Variants in PBX1 observed in about 807,000 individuals in gnomAD.
The protein encoded by PBX1 is PBX homeobox 1.
Under a neutral mutation model 53.4 loss-of-function variants are expected in PBX1, and 6 were observed. The observed-to-expected ratio is 0.11, with a 90% CI of 0.06 to 0.22. PBX1 has a LOEUF of 0.22. Ranked by LOEUF, PBX1 falls within the 10% of genes least tolerant of loss-of-function variation. PBX1 has a pLI of 1.00. For missense variants in PBX1, 251 were observed against 551.4 expected, an observed-to-expected ratio of 0.46 and a Z score of 5.46; for synonymous variants, 204 against 212.3, an observed-to-expected ratio of 0.96 and a Z score of 0.34.
At chr1:164,736,773 T>C (rs1328777810) in intron 2 of PBX1, among the ~76,000 whole-genome samples, 1 of 152,050 alleles carries the variant, frequency 6.6e-6, no homozygotes, top group African/African-American at 2.4e-5. Flanking sequence ...AGAACATGCA[T>C]AAAAATCAGA....
At chr1:164,860,136 T>A (rs777438362) in intron 2 of PBX1, among the ~76,000 whole-genome samples, 17 of 152,194 alleles carry the variant, frequency 1.1e-4, no homozygotes, top group Non-Finnish European at 1.9e-4. Flanking sequence ...TAGGCAGGAA[T>A]CCCTCACACC....
chr1:164,857,560 G>T (rs542592363), intron 2 of PBX1, among the ~76,000 whole-genome samples: 3 of 152,322 alleles, frequency 2.0e-5, no homozygotes, highest in East Asian at 3.9e-4. Context: ...GGGGCTGAAA[G>T]TTCTAACCTT....
chr1:164,671,785 G>T (rs994760531), intron 2 of PBX1, among the ~76,000 whole-genome samples: 2 of 152,106 alleles, frequency 1.3e-5, no homozygotes, highest in Admixed American at 6.5e-5. Context: ...TGGAATGAGG[G>T]TTTTGTGTGA....
intron 2 of PBX1, among the ~76,000 whole-genome samples, chr1:164,668,491 C>A (rs1557929269): frequency 6.6e-6 from 1 of 151,866 alleles, no homozygotes; most frequent in Non-Finnish European, 1.5e-5. Context: ...TACAAGGTCT[C>A]CCAGCCAGGG....
intron 2 of PBX1, among the ~76,000 whole-genome samples, chr1:164,628,741 GAT>G (rs1340804563): frequency 2.0e-5 from 3 of 151,974 alleles, no homozygotes; most frequent in Non-Finnish European, 4.4e-5. Context: ...TCTCTATCTA[GAT>G]ATATATGATA....
intron 2 of PBX1, among the ~76,000 whole-genome samples, chr1:164,668,351 T>G (rs1043539233): frequency 6.6e-6 from 1 of 152,076 alleles, no homozygotes; most frequent in Admixed American, 6.5e-5. Context: ...TGGTTCGACT[T>G]TGAGGGTCAG....
At chr1:164,591,735 T>G (rs1044370898) in intron 2 of PBX1, among the ~76,000 whole-genome samples, 1 of 152,244 alleles carries the variant, frequency 6.6e-6, no homozygotes, top group African/African-American at 2.4e-5. Context: ...GAACATTCTG[T>G]TAGCAGACTT....
At chr1:164,560,453 T>G (rs760802685) in intron 1 of PBX1, 13 of 354,318 alleles carry the variant, frequency 3.7e-5, no homozygotes, top group Non-Finnish European at 6.0e-5. Context: ...CAAGAACACT[T>G]TATTTGCAAA....
chr1:164,668,826 C>G (rs1298483024), intron 2 of PBX1, among the ~76,000 whole-genome samples: 1 of 152,090 alleles, frequency 6.6e-6, no homozygotes, highest in Admixed American at 6.5e-5. Context: ...TTGAATGGGC[C>G]GCATTTGCAT....
intron 2 of PBX1, among the ~76,000 whole-genome samples, chr1:164,654,107 C>T (rs950069029): frequency 1.3e-5 from 2 of 152,060 alleles, no homozygotes; most frequent in African/African-American, 2.4e-5. Context: ...GCAGATATTC[C>T]GTAAACACAG....
intron 2 of PBX1, among the ~76,000 whole-genome samples, chr1:164,751,149 C>T (rs1312597936): frequency 6.6e-6 from 1 of 151,852 alleles, no homozygotes; most frequent in South Asian, 2.1e-4. Flanking sequence ...AACCCCATCT[C>T]TACTAAAAAT....
At chr1:164,682,500 A>G (rs1038053035) in intron 2 of PBX1, 1 of 152,172 alleles carries the variant, frequency 6.6e-6, no homozygotes, top group Non-Finnish European at 1.5e-5. Context: ...CCTGACCTCA[A>G]GGAGCTTTTA....
At position 164,559,874 on chromosome 1, in the gene PBX1, G is replaced by C. The variant is rs544057798; in HGVS notation, c.52G>C (p.Gly18Arg). 6.4e-7 allele frequency: 1 copy of C among 1,550,654 alleles called. No homozygotes were observed. Among genetic ancestry groups the C allele is most frequent in the Non-Finnish European group, 8.7e-7 (1 of 1,146,772 alleles). Residue 18 changes from glycine to arginine, a missense_variant, in exon 1 of 9, where the codon GGA (glycine) becomes CGA (arginine). By Grantham distance (125) the Gly-to-Arg change is moderately radical. Around this residue, in one of 4 missense-constraint regions of PBX1, gnomAD observed 63 missense variants for 78.7 expected, o/e 0.80. Coordinates refer to ENST00000420696, the MANE Select transcript of PBX1 (RefSeq NM_002585.4). ...MHSHAGVGMA[G>R]HPGLSQHLQD... ...TTCCCATGCTGGGGTCGGGATGGCC[G>C]GACACCCCGGCCTGTCCCAGCACTT...
intron 8 of PBX1, among the ~76,000 whole-genome samples, chr1:164,839,630 A>T (rs1163475384): frequency 6.6e-6 from 1 of 152,208 alleles, no homozygotes; most frequent in Non-Finnish European, 1.5e-5. Flanking sequence ...AAATCCTCTC[A>T]CTTGACTTCT....
chr1:164,573,837 A>G (rs1258330934), intron 2 of PBX1, among the ~76,000 whole-genome samples: 1 of 152,194 alleles, frequency 6.6e-6, no homozygotes, highest in African/African-American at 2.4e-5. Flanking sequence ...CTCAATAGCT[A>G]CACATGAGTA....
intron 2 of PBX1, among the ~76,000 whole-genome samples, chr1:164,643,051 TTTG>T (rs1274819399): frequency 6.6e-6 from 1 of 152,180 alleles, no homozygotes. Flanking sequence ...TGCCGTTAAT[TTTG>T]TTATTAGAAA....
intron 2 of PBX1, among the ~76,000 whole-genome samples, chr1:164,581,321 G>C (rs1348585069): frequency 6.6e-6 from 1 of 150,970 alleles, no homozygotes; most frequent in Non-Finnish European, 1.5e-5. Flanking sequence ...TCCGCCTCTC[G>C]GGTTCAAGTG....
At chr1:164,664,859 C>T (rs188627180) in intron 2 of PBX1, among the ~76,000 whole-genome samples, 54 of 152,094 alleles carry the variant, frequency 3.6e-4, no homozygotes, top group African/African-American at 1.2e-3. Flanking sequence ...AAGAGAACAA[C>T]GTGGGAAAGA....
chr1:164,673,867 T>C (rs1661267939), intron 2 of PBX1, among the ~76,000 whole-genome samples: 1 of 151,954 alleles, frequency 6.6e-6, no homozygotes. Context: ...CTGGAGCTTC[T>C]GGAGTCCCCT....
Sources: gnomAD v4.1 joint callset for allele counts (sites outside exome capture counted in the v4.1 genomes callset) on GRCh38, gnomAD v4.1.1 for gene constraint, gnomAD v4.1.1 regional missense constraint, MANE v1.5 for transcripts, NCBI Gene and HGNC (gene_info 2026-07-23, HGNC 2026-07-21) for gene names.